ST6GALNAC3: variants seen among roughly 807,000 people sequenced by gnomAD.
The protein encoded by ST6GALNAC3 is alpha-N-acetylgalactosaminide alpha-2,6-sialyltransferase 3.
A neutral mutation model predicts 32.7 loss-of-function variants in ST6GALNAC3; 25 were observed. The observed-to-expected ratio is 0.76, with a 90% CI of 0.56 to 1.07. The LOEUF is 1.07. Among genes scored for constraint, ST6GALNAC3 ranks in the 50% least tolerant of loss-of-function variants. ST6GALNAC3 has a pLI of 0.00. For synonymous variants in ST6GALNAC3, 129 were observed against 133.1 expected (o/e 0.97, Z 0.21); for missense variants, 355 against 382.4 (o/e 0.93, Z 0.60).
At chr1:76,455,174 T>C (rs1657686278) in intron 3 of ST6GALNAC3, among the ~76,000 whole-genome samples, 1 of 152,174 alleles carries the variant, frequency 6.6e-6, no homozygotes, top group South Asian at 2.1e-4. Context: ...TCTTATTTTA[T>C]GGCTACAATA....
Position 76,633,411 on chromosome 1 carries a change from CTGTT to C in ST6GALNAC3, c.*4610_*4613del, listed in dbSNP as rs751426598. On this transcript the variant is annotated 3_prime_UTR_variant, in exon 5 of 5. Coordinates refer to ENST00000328299, the MANE Select transcript of ST6GALNAC3 (RefSeq NM_152996.4). ...ATTGATTGTCTACACTTTCTTCTCT[CTGTT>C]TGTTGCTATTGGTAAGGCTAGGCTA... is the stretch of plus-strand genomic sequence containing the variant. 1 of 152,166 alleles carries C rather than the reference CTGTT, an allele frequency of 6.6e-6. No homozygotes were observed. Among genetic ancestry groups the C allele is most frequent in the African/African-American group, 2.4e-5 (1 of 41,440 alleles). 9.4% of individuals were successfully genotyped at this position (152,166 alleles called of 1,614,324 possible).
At chr1:76,505,986 AC>A (rs1661458258) in intron 3 of ST6GALNAC3, among the ~76,000 whole-genome samples, 1 of 152,140 alleles carries the variant, frequency 6.6e-6, no homozygotes, top group Non-Finnish European at 1.5e-5. Flanking sequence ...TTCATCTCCT[AC>A]CTTGAGACAT....
At chr1:76,125,035 A>G (rs190531755) in intron 1 of ST6GALNAC3, among the ~76,000 whole-genome samples, 1 of 152,342 alleles carries the variant, frequency 6.6e-6, no homozygotes, top group East Asian at 1.9e-4. Flanking sequence ...GGTTAAGAAA[A>G]TATATCAAAT....
At chr1:76,211,368 G>T (rs1181723312) in intron 1 of ST6GALNAC3, among the ~76,000 whole-genome samples, 2 of 152,204 alleles carry the variant, frequency 1.3e-5, no homozygotes, top group Non-Finnish European at 2.9e-5. Flanking sequence ...CATTGTGGAA[G>T]TCAGTGTGGC....
rs149367063 is a variant in ST6GALNAC3 at position 76,252,686 on chromosome 1, G to A, written c.19-61119G>A. Among the ~76,000 whole-genome samples, 33 of 152,160 alleles carry A rather than the reference G, an allele frequency of 2.2e-4. No individual in the cohort carries two copies. In the East Asian group the frequency reaches 6.0e-3, roughly 28 times the overall value. ...CATTTTTTCAGAATTTGTCCTTGGG[G>A]GTATTTAAGCAGCAATGTCCAAGAC... On this transcript the variant is annotated intron_variant, in intron 1 of 4. Coordinates refer to ENST00000328299, the MANE Select transcript of ST6GALNAC3 (RefSeq NM_152996.4).
At chr1:76,355,847 C>T (rs1186707575) in intron 2 of ST6GALNAC3, among the ~76,000 whole-genome samples, 4 of 152,140 alleles carry the variant, frequency 2.6e-5, no homozygotes, top group African/African-American at 9.7e-5. Context: ...GTCAGAGTTT[C>T]TTTTTTCTGC....
intron 1 of ST6GALNAC3, among the ~76,000 whole-genome samples, chr1:76,195,178 T>C (rs1373552087): frequency 1.3e-5 from 2 of 152,226 alleles, no homozygotes; most frequent in Non-Finnish European, 2.9e-5. Context: ...TGACTATTAG[T>C]TGTTTTTCTT....
intron 2 of ST6GALNAC3, among the ~76,000 whole-genome samples, chr1:76,322,739 C>T (rs774823631): frequency 2.1e-4 from 32 of 151,940 alleles, no homozygotes; most frequent in Non-Finnish European, 4.3e-4. Context: ...AAATGTTATC[C>T]ACCACTGCCC....
At chr1:76,624,102 CAATTAA>C (rs1648812757) in intron 3 of ST6GALNAC3, among the ~76,000 whole-genome samples, 1 of 151,938 alleles carries the variant, frequency 6.6e-6, no homozygotes, top group African/African-American at 2.4e-5. Context: ...CTGCAACTGT[CAATTAA>C]GTGCTGTTTG....
At chr1:76,274,491 C>G (rs1659027192) in intron 1 of ST6GALNAC3, among the ~76,000 whole-genome samples, 1 of 152,102 alleles carries the variant, frequency 6.6e-6, no homozygotes. Context: ...AGCCTCCTCA[C>G]CCATTACTCA....
intron 3 of ST6GALNAC3, among the ~76,000 whole-genome samples, chr1:76,560,257 T>C (rs978530670): frequency 1.3e-5 from 2 of 152,266 alleles, no homozygotes; most frequent in Non-Finnish European, 2.9e-5. Context: ...GGAGAAACTC[T>C]TCAGGACGTT....
At chr1:76,155,241 T>TA (rs1454590146) in intron 1 of ST6GALNAC3, among the ~76,000 whole-genome samples, 1 of 152,044 alleles carries the variant, frequency 6.6e-6, no homozygotes, top group Non-Finnish European at 1.5e-5. Flanking sequence ...AGGAAGAACA[T>TA]AAAGGACTCA....
At chr1:76,095,572 G>T (rs915897487) in intron 1 of ST6GALNAC3, among the ~76,000 whole-genome samples, 1 of 152,188 alleles carries the variant, frequency 6.6e-6, no homozygotes, top group African/African-American at 2.4e-5. Context: ...CTGGGCATCT[G>T]TTACCTCCTG....
At chr1:76,081,881 G>T (rs1646901026) in intron 1 of ST6GALNAC3, among the ~76,000 whole-genome samples, 1 of 152,230 alleles carries the variant, frequency 6.6e-6, no homozygotes, top group Non-Finnish European at 1.5e-5. Flanking sequence ...CCCTTGGGTG[G>T]TGTTGGAGAA....
intron 3 of ST6GALNAC3, among the ~76,000 whole-genome samples, chr1:76,564,135 G>A (rs1225802056): frequency 6.6e-6 from 1 of 152,146 alleles, no homozygotes; most frequent in African/African-American, 2.4e-5. Flanking sequence ...GGTTCTTGTG[G>A]AAAACAGGAT....
At chr1:76,092,489 T>C (rs1647061781) in intron 1 of ST6GALNAC3, among the ~76,000 whole-genome samples, 1 of 151,370 alleles carries the variant, frequency 6.6e-6, no homozygotes, top group Admixed American at 6.6e-5. Context: ...AAGCAATTTT[T>C]ATGGGAGTTT....
At chr1:76,198,115 G>A (rs999213765) in intron 1 of ST6GALNAC3, among the ~76,000 whole-genome samples, 2 of 152,198 alleles carry the variant, frequency 1.3e-5, no homozygotes, top group Admixed American at 1.3e-4. Context: ...AGGGCTCACT[G>A]CAGCCTTGAC....
chr1:76,304,554 A>G (rs556454742), intron 1 of ST6GALNAC3, among the ~76,000 whole-genome samples: 1 of 152,206 alleles, frequency 6.6e-6, no homozygotes, highest in African/African-American at 2.4e-5. Flanking sequence ...GTAACTGGAT[A>G]GCAAAGGGGC....
chr1:76,237,983 GC>G (rs1656752432), intron 1 of ST6GALNAC3, among the ~76,000 whole-genome samples: 2 of 152,362 alleles, frequency 1.3e-5, no homozygotes, highest in Admixed American at 1.3e-4. Flanking sequence ...TTTGGAGGAT[GC>G]TTTTAACATT....
Sources: gnomAD v4.1 joint callset for allele counts (sites outside exome capture counted in the v4.1 genomes callset) on GRCh38, gnomAD v4.1.1 for gene constraint, MANE v1.5 for transcripts, NCBI Gene and HGNC (gene_info 2026-07-23, HGNC 2026-07-21) for gene names.